The following FAM135A variants were observed in gnomAD, a reference collection of about 807,000 sequenced individuals.
FAM135A encodes family with sequence similarity 135 member A.
FAM135A carries 79 observed loss-of-function variants against 146.8 expected under a neutral mutation model. The observed-to-expected ratio is 0.54, with a 90% CI of 0.45 to 0.65. The LOEUF (loss-of-function observed/expected upper bound fraction) is 0.65. Ranked by LOEUF, FAM135A falls within the 30% of genes least tolerant of loss-of-function variation. FAM135A has a pLI of 0.00. For missense variants in FAM135A, 1,623 were observed against 1,758.2 expected, an observed-to-expected ratio of 0.92 and a Z score of 1.38; for synonymous variants, 562 against 603.6, an observed-to-expected ratio of 0.93 and a Z score of 1.01.
chr6:70,521,363 C>T (rs1793541613), intron 12 of FAM135A, among the ~76,000 whole-genome samples: 2 of 152,144 alleles, frequency 1.3e-5, no homozygotes, highest in Admixed American at 1.3e-4. Context: ...ATCTTAATAG[C>T]CAGACAGGCT....
intron 15 of FAM135A, among the ~76,000 whole-genome samples, chr6:70,527,299 C>G (rs1462783376): frequency 1.3e-5 from 2 of 152,002 alleles, no homozygotes; most frequent in Non-Finnish European, 2.9e-5. Flanking sequence ...TGCACTGGTT[C>G]TTAAAATATT....
intron 5 of FAM135A, among the ~76,000 whole-genome samples, chr6:70,468,884 T>C (rs529735432): frequency 6.6e-6 from 1 of 152,286 alleles, no homozygotes; most frequent in African/African-American, 2.4e-5. Context: ...GAGAATAAAC[T>C]TCCAGACTTC....
intron 1 of FAM135A, chr6:70,414,148 C>T (rs1255895519): frequency 3.2e-6 from 2 of 632,216 alleles, no homozygotes; most frequent in Non-Finnish European, 3.9e-6. Context: ...CAGCGTATCT[C>T]TGTGCTTCCA....
chr6:70,546,592 T>C (rs972943651), intron 20 of FAM135A, among the ~76,000 whole-genome samples: 1 of 152,238 alleles, frequency 6.6e-6, no homozygotes, highest in African/African-American at 2.4e-5. Context: ...TTGTGTGTTT[T>C]GTAAAACAAT....
intron 16 of FAM135A, among the ~76,000 whole-genome samples, chr6:70,532,404 C>A (rs1796001699): frequency 2.0e-5 from 3 of 152,088 alleles, no homozygotes; most frequent in African/African-American, 7.2e-5. Flanking sequence ...AATAAACTTT[C>A]TTAGATATTT....
chr6:70,460,852 T>TTTTTTTTTC (rs1554275552), intron 5 of FAM135A, among the ~76,000 whole-genome samples: 2 of 151,208 alleles, frequency 1.3e-5, no homozygotes, highest in African/African-American at 2.4e-5. Context: ...AGCTATCTTT[T>TTTTTTTTTC]TTTTTTTTTT....
rs150803431 is a variant in FAM135A at position 70,533,422 on chromosome 6, A to G, written c.3867+171A>G. ...ATATATATGATTTACATTTTGACTTATGATCTCTTCACATATGAAATATTT... is the reference window on the plus strand; with the variant it reads ...ATATATATGATTTACATTTTGACTTGTGATCTCTTCACATATGAAATATTT... On this transcript the variant is annotated intron_variant, in intron 17 of 21. Coordinates refer to ENST00000418814, the MANE Select transcript of FAM135A (RefSeq NM_001162529.3). 3.3e-5 allele frequency among the ~76,000 whole-genome samples: 5 copies of G among 152,302 alleles called. No individual in the cohort carries two copies. The East Asian group carries it at 9.6e-4, about 29-fold the overall frequency.
chr6:70,465,365 A>G (rs1256093525), intron 5 of FAM135A, among the ~76,000 whole-genome samples: 1 of 152,150 alleles, frequency 6.6e-6, no homozygotes, highest in Non-Finnish European at 1.5e-5. Context: ...CTCTTTTATC[A>G]GTTCTTCTGG....
intron 4 of FAM135A, among the ~76,000 whole-genome samples, chr6:70,448,843 G>A (rs954033657): frequency 6.6e-6 from 1 of 152,246 alleles, no homozygotes; most frequent in African/African-American, 2.4e-5. Flanking sequence ...GGCACAGATT[G>A]CTCATGCTAT....
intron 20 of FAM135A, among the ~76,000 whole-genome samples, chr6:70,544,356 C>T (rs1398131821): frequency 6.6e-6 from 1 of 151,772 alleles, no homozygotes; most frequent in Non-Finnish European, 1.5e-5. Context: ...CTGACCAACC[C>T]CATCTCTACT....
At chr6:70,469,933 C>G (rs567749078) in intron 5 of FAM135A, among the ~76,000 whole-genome samples, 1 of 151,904 alleles carries the variant, frequency 6.6e-6, no homozygotes, top group East Asian at 1.9e-4. Context: ...CAAGACTGCA[C>G]TGAGCCAAGA....
intron 4 of FAM135A, among the ~76,000 whole-genome samples, chr6:70,429,736 A>G (rs1023265144): frequency 1.3e-5 from 2 of 152,142 alleles, no homozygotes; most frequent in African/African-American, 4.8e-5. Flanking sequence ...ACTTACTAAC[A>G]TGATGGATAT....
Position 70,526,470 on chromosome 6 carries a change from A to C in FAM135A, c.3386A>C (p.Lys1129Thr). ...GAACTAATGGAAGAAAGACTTACAA[A>C]ATCTGAAAAAATAAACAGTGACTAT... ...RDELMEERLT[K>T]SEKINSDYLR... Residue 1129 changes from lysine (K) to threonine (T), a missense_variant, in exon 15 of 22, where the codon AAA becomes ACA. By Grantham distance (78) the Lys-to-Thr change is moderately conservative. Around this residue, in one of 7 missense-constraint regions of FAM135A, gnomAD observed 1,061 missense variants for 1,113.8 expected, o/e 0.95. Coordinates refer to ENST00000418814, the MANE Select transcript of FAM135A (RefSeq NM_001162529.3). 1.9e-6 allele frequency: 3 copies of C among 1,613,506 alleles called. No individual in the cohort carries two copies. The highest frequency in any genetic ancestry group is 2.5e-6 in the Non-Finnish European group (3 of 1,179,648).
intron 12 of FAM135A, 124 bp from the exon 13 acceptor site, chr6:70,522,389 A>G: frequency 1.4e-6 from 1 of 726,226 alleles, no homozygotes; most frequent in Non-Finnish European, 2.4e-6. Context: ...GGGAGAAGGG[A>G]AGTTTAATTC....
intron 12 of FAM135A, among the ~76,000 whole-genome samples, chr6:70,519,921 A>G (rs1240757883): frequency 6.8e-6 from 1 of 147,996 alleles, no homozygotes; most frequent in Non-Finnish European, 1.5e-5. Context: ...TATATATGAT[A>G]ATAATTTAGT....
At chr6:70,503,468 A>T (rs562444534) in intron 12 of FAM135A, 1 of 152,126 alleles carries the variant, frequency 6.6e-6, no homozygotes, top group African/African-American at 2.4e-5. Context: ...AACATAACAC[A>T]TAAAGTCAGA....
At position 70,428,292 on chromosome 6, in the gene FAM135A, T is replaced by C. The variant is rs754729881; in HGVS notation, c.-39-12T>C. The C allele has an allele frequency of 2.3e-6, 3 of 1,329,810 alleles. No individual in the cohort carries two copies. Among genetic ancestry groups the C allele is most frequent in the Admixed American group, 4.8e-5 (2 of 41,866 alleles). The allele number at this position is 1,329,810 out of a possible 1,614,324, so 82.4% of individuals were successfully genotyped here. On this transcript the variant is annotated splice_polypyrimidine_tract_variant and intron_variant, in intron 3 of 21. Transcript: ENST00000418814. ...TACGCTTCTCATGATTTTTTCCCTT[T>C]CCTTAACAAAGGTGCTGTTATCAGA...
In FAM135A at chr6:70,441,055, T is replaced by C. The variant is rs566159575; in HGVS notation, c.78-11437T>C. Among the ~76,000 whole-genome samples the C allele has an allele frequency of 2.6e-5, 4 of 152,266 alleles. No individual in the cohort carries two copies. In the East Asian group the frequency reaches 7.7e-4, roughly 29 times the overall value. On this transcript the variant is annotated intron_variant, in intron 4 of 21. Coordinates refer to ENST00000418814, the MANE Select transcript of FAM135A (RefSeq NM_001162529.3). ...ACACATATGATCACTTTTTATTTTGTGCCAATATAAACTCATGGATTTTCA... is the reference window on the plus strand; with the variant it reads ...ACACATATGATCACTTTTTATTTTGCGCCAATATAAACTCATGGATTTTCA...
rs903458928 is a variant in FAM135A at position 70,559,238 on chromosome 6, C to T, written c.4343-478C>T. ...GGAGGATCGCCTGAGGTCAGGAGTTCGAGACCAGCCTGGCCAACATGGTGA... is the reference window on the plus strand; with the variant it reads ...GGAGGATCGCCTGAGGTCAGGAGTTTGAGACCAGCCTGGCCAACATGGTGA... On this transcript the variant is annotated intron_variant, in intron 21 of 21. Coordinates refer to ENST00000418814, the MANE Select transcript of FAM135A (RefSeq NM_001162529.3). Among the ~76,000 whole-genome samples the T allele has an allele frequency of 2.6e-5, 4 of 152,128 alleles. No homozygotes were observed. In the South Asian group the frequency reaches 6.2e-4, roughly 24 times the overall value.
Sources: allele counts gnomAD v4.1 joint callset (sites outside exome capture counted in the v4.1 genomes callset), GRCh38; gene constraint gnomAD v4.1.1; regional missense constraint gnomAD v4.1.1; transcripts MANE v1.5; gene names NCBI Gene and HGNC (gene_info 2026-07-23, HGNC 2026-07-21).